The following PRKN variants were observed in gnomAD, a reference collection of about 807,000 sequenced individuals.
The protein encoded by PRKN is E3 ubiquitin-protein ligase parkin.
A neutral mutation model predicts 59.5 loss-of-function variants in PRKN; 56 were observed. That is an observed-to-expected ratio of 0.94 (90% confidence interval 0.76 to 1.18). The LOEUF (loss-of-function observed/expected upper bound fraction) is 1.18, where lower values mean the gene tolerates loss of function less well. PRKN is among the 50% of genes most tolerant of loss of function. PRKN has a pLI of 0.00. For missense variants in PRKN, 657 were observed against 596.4 expected (o/e 1.10, Z -1.06); for synonymous variants, 250 against 222.1 (o/e 1.13, Z -1.12).
intron 1 of PRKN, among the ~76,000 whole-genome samples, chr6:162,537,988 CATT>C (rs1778786912): frequency 6.6e-6 from 1 of 152,200 alleles, no homozygotes; most frequent in African/African-American, 2.4e-5. Flanking sequence ...ACAGCTACGA[CATT>C]ATTGTTTTGT....
intron 7 of PRKN, among the ~76,000 whole-genome samples, chr6:161,648,396 G>A (rs1784036137): frequency 2.0e-5 from 3 of 152,128 alleles, no homozygotes; most frequent in Admixed American, 2.0e-4. Flanking sequence ...GGGCAAGGGT[G>A]TGTGTCCATC....
At chr6:162,450,052 C>T (rs1314147551) in intron 1 of PRKN, among the ~76,000 whole-genome samples, 1 of 152,124 alleles carries the variant, frequency 6.6e-6, no homozygotes, top group African/African-American at 2.4e-5. Flanking sequence ...AAGCAAAACA[C>T]CAAGACTGGG....
At chr6:162,068,266 G>GT (rs34266167) in intron 4 of PRKN, among the ~76,000 whole-genome samples, 79,735 of 151,998 alleles carry the variant, frequency 0.52, 21,342 homozygotes, top group Non-Finnish European at 0.57. Flanking sequence ...TTATCGACAG[G>GT]TTTTTCCAGG....
At chr6:161,949,922 A>G (rs1353304801) in intron 6 of PRKN, among the ~76,000 whole-genome samples, 1 of 152,254 alleles carries the variant, frequency 6.6e-6, no homozygotes, top group Non-Finnish European at 1.5e-5. Flanking sequence ...GGTACCAGCT[A>G]TCCCTAACAG....
In PRKN at chr6:161,417,425, G is replaced by A. The variant is rs935687324; in HGVS notation, c.1084-30548C>T. On this transcript the variant is annotated intron_variant, in intron 9 of 11. Transcript: ENST00000366898. The surrounding 1 kb of genome is among the most constrained non-coding windows in gnomAD (Gnocchi z 5.4). ...AGATGGCGTCACTGCACTCCAGCCT[G>A]GCAACAGAGCCAGACGCCGTTTCAA... Among the ~76,000 whole-genome samples the A allele has an allele frequency of 2.7e-5, 4 of 148,178 alleles. No individual in the cohort carries two copies. Among genetic ancestry groups the A allele is most frequent in the Non-Finnish European group, 5.9e-5 (4 of 67,568 alleles).
At chr6:162,415,531 G>A (rs1039934727) in intron 2 of PRKN, among the ~76,000 whole-genome samples, 3 of 152,138 alleles carry the variant, frequency 2.0e-5, no homozygotes, top group African/African-American at 7.2e-5. Flanking sequence ...TAATTAAGAA[G>A]TTAAGAAGGC....
chr6:162,072,988 C>T (rs1338001915), intron 4 of PRKN, among the ~76,000 whole-genome samples: 4 of 152,194 alleles, frequency 2.6e-5, no homozygotes, highest in Non-Finnish European at 5.9e-5. Flanking sequence ...GATGCAATTT[C>T]ACTTGAGTAT....
At chr6:162,064,433 C>T (rs1266319234) in intron 4 of PRKN, among the ~76,000 whole-genome samples, 1 of 152,134 alleles carries the variant, frequency 6.6e-6, no homozygotes, top group Non-Finnish European at 1.5e-5. Context: ...AATCTCCTAT[C>T]CCATCCTTCA....
intron 2 of PRKN, among the ~76,000 whole-genome samples, chr6:162,367,068 T>C (rs185422003): frequency 6.6e-5 from 10 of 151,862 alleles, no homozygotes; most frequent in Non-Finnish European, 1.2e-4. Flanking sequence ...CGGTGGGAGG[T>C]AGTTGAATCC....
chr6:161,520,407 TA>T (rs1219172746), intron 9 of PRKN, among the ~76,000 whole-genome samples: 1 of 152,014 alleles, frequency 6.6e-6, no homozygotes, highest in African/African-American at 2.4e-5. Flanking sequence ...TTTGTATTTT[TA>T]GTAGAGATGG....
intron 10 of PRKN, among the ~76,000 whole-genome samples, chr6:161,381,010 C>A (rs892837853): frequency 4.6e-5 from 7 of 152,174 alleles, no homozygotes; most frequent in Admixed American, 4.6e-4. Context: ...ATTATGCTTG[C>A]AGGCTTTTGT....
At chr6:161,506,438 G>A (rs1778172362) in intron 9 of PRKN, among the ~76,000 whole-genome samples, 1 of 152,086 alleles carries the variant, frequency 6.6e-6, no homozygotes, top group African/African-American at 2.4e-5. Context: ...TGAGACAATG[G>A]GGTTTTCTAG....
chr6:161,570,098 G>C (rs1421768917), intron 7 of PRKN, among the ~76,000 whole-genome samples: 1 of 112,812 alleles, frequency 8.9e-6, no homozygotes, highest in African/African-American at 3.6e-5. Context: ...TCCTTCTTCA[G>C]TTGTAAAACA....
chr6:162,632,449 T>G (rs2803116), intron 1 of PRKN, among the ~76,000 whole-genome samples: 38,784 of 152,012 alleles, frequency 0.26, 6,008 homozygotes, highest in Non-Finnish European at 0.36. Context: ...AAGTGGGAAC[T>G]AAACATTGAA....
chr6:162,212,854 G>A (rs2128075090), intron 3 of PRKN, among the ~76,000 whole-genome samples: 1 of 152,274 alleles, frequency 6.6e-6, no homozygotes, highest in East Asian at 1.9e-4. Context: ...AACAGTAACT[G>A]TAACACAATG....
chr6:162,417,740 A>C (rs1278155936), intron 2 of PRKN, among the ~76,000 whole-genome samples: 1 of 152,222 alleles, frequency 6.6e-6, no homozygotes, highest in Non-Finnish European at 1.5e-5. Context: ...TTCGGTTTCT[A>C]GCTCAGTTCA....
At chr6:162,491,782 C>T (rs1267797159) in intron 1 of PRKN, among the ~76,000 whole-genome samples, 2 of 152,192 alleles carry the variant, frequency 1.3e-5, no homozygotes, top group African/African-American at 4.8e-5. Flanking sequence ...TGACCAGCCG[C>T]ACAATCAGGG....
At chr6:162,445,341 C>A (rs1790257638) in intron 1 of PRKN, among the ~76,000 whole-genome samples, 1 of 152,070 alleles carries the variant, frequency 6.6e-6, no homozygotes, top group African/African-American at 2.4e-5. Context: ...TTCAATCTAA[C>A]TCTAAAGCTC....
chr6:162,030,602 CCT>C (rs1783600226), intron 5 of PRKN, among the ~76,000 whole-genome samples: 1 of 152,188 alleles, frequency 6.6e-6, no homozygotes, highest in Admixed American at 6.5e-5. Context: ...CTGCACACTC[CCT>C]GTTCTAAGTG....
Sources: allele counts gnomAD v4.1 joint callset (sites outside exome capture counted in the v4.1 genomes callset), GRCh38; gene constraint gnomAD v4.1.1; non-coding constraint Gnocchi (gnomAD v3.1); transcripts MANE v1.5; gene names NCBI Gene and HGNC (gene_info 2026-07-23, HGNC 2026-07-21).